The following EP400 variants were observed in gnomAD, a reference collection of about 807,000 sequenced individuals.
The protein encoded by EP400 is E1A-binding protein p400.
A neutral mutation model predicts 354.1 loss-of-function variants in EP400; 105 were observed. The ratio of observed to expected loss-of-function variants is 0.30; its 90% CI spans 0.25 to 0.35. The LOEUF (loss-of-function observed/expected upper bound fraction) is 0.35. Among genes scored for constraint, EP400 ranks in the 10% least tolerant of loss-of-function variants. The pLI, the probability that EP400 is intolerant of heterozygous loss-of-function variation, is 1.00. For missense variants in EP400, 3,280 were observed against 4,121.0 expected (o/e 0.80, Z 5.59); for synonymous variants, 1,646 against 1,716.9 (o/e 0.96, Z 1.02).
intron 35 of EP400, 126 bp downstream of exon 35, chr12:132,044,437 A>C: frequency 1.5e-6 from 2 of 1,353,808 alleles, no homozygotes; most frequent in East Asian, 5.0e-5. Context: ...TTTACTTCTC[A>C]TATCAACACA....
chr12:132,036,799 G>A (rs1488214890), intron 30 of EP400, among the ~76,000 whole-genome samples: 1 of 152,190 alleles, frequency 6.6e-6, no homozygotes, highest in African/African-American at 2.4e-5. Context: ...TAAAGGCCAG[G>A]AAAGTCTTCC....
chr12:131,989,421 C>T (rs904645657), intron 7 of EP400, among the ~76,000 whole-genome samples: 5 of 152,178 alleles, frequency 3.3e-5, no homozygotes, highest in Admixed American at 6.5e-5. Context: ...ATCCCTAGAA[C>T]GGGCGTGGGG....
rs771311944 is a variant in EP400, at chr12:132,032,023, C to T, written c.5825C>T (p.Thr1942Ile). 2 of 1,614,188 alleles carry T rather than the reference C, an allele frequency of 1.2e-6. No homozygotes were observed. Among genetic ancestry groups the T allele is most frequent in the Non-Finnish European group, 1.7e-6 (2 of 1,180,016 alleles). Reference sequence around the variant, plus strand: ...ATTCTCTCCACTCACAGCCGTACCACAGGTATAAACCTTGTAGAGGCGGAC... The same window carrying T: ...ATTCTCTCCACTCACAGCCGTACCATAGGTATAAACCTTGTAGAGGCGGAC... The part of the protein sequence containing the change: ...CAILSTHSRT[T>I]GINLVEADTV... The change falls in exon 30 of 53, where the codon ACA becomes ATA. Residue 1942 changes from threonine (T) to isoleucine (I), a missense_variant. By Grantham distance (89) the Thr-to-Ile change is moderately conservative. Transcript: ENST00000389561.
chr12:131,950,580 A>C (rs888452028), intron 1 of EP400, among the ~76,000 whole-genome samples: 4 of 152,054 alleles, frequency 2.6e-5, no homozygotes, highest in Non-Finnish European at 5.9e-5. Flanking sequence ...CAGGGGTTAC[A>C]GTGAGGTCCG....
intron 48 of EP400, 195 bp downstream of exon 48, chr12:132,065,081 C>G (rs776048658): frequency 9.7e-7 from 1 of 1,028,756 alleles, no homozygotes; most frequent in South Asian, 1.7e-5. Flanking sequence ...CAGCAGCTCC[C>G]AGAGCCCATC....
intron 14 of EP400, 104 bp from the exon 15 acceptor site, chr12:132,006,596 G>T: frequency 8.4e-7 from 1 of 1,184,194 alleles, no homozygotes; most frequent in African/African-American, 1.5e-5. Context: ...CATTTTTGTG[G>T]CTTTCTAATT....
At position 131,961,619 on chromosome 12, in the gene EP400, C is replaced by G; in HGVS notation, c.1000C>G (p.Leu334Val). 1 of 1,584,396 alleles carries G rather than the reference C, an allele frequency of 6.3e-7. No homozygotes were observed. The highest frequency in any genetic ancestry group is 8.6e-7 in the Non-Finnish European group (1 of 1,163,248). The change falls in exon 2 of 53, where the codon CTC becomes GTC. Residue 334 changes from leucine to valine, a missense_variant. Around this residue, in one of 20 missense-constraint regions of EP400, gnomAD observed 85 missense variants for 180.3 expected, o/e 0.47. Coordinates refer to ENST00000389561, the MANE Select transcript of EP400 (RefSeq NM_015409.5). ...RTAVPPGLSS[L>V]PLTSVGNTGM... ...TGCCGTGCCCCCAGGCCTTTCCAGC[C>G]TCCCACTCACGTCTGTGGGGAACAC...
intron 1 of EP400, among the ~76,000 whole-genome samples, chr12:131,957,599 A>G (rs1013535018): frequency 3.6e-5 from 5 of 139,048 alleles, no homozygotes; most frequent in East Asian, 2.1e-4. Context: ...TTATTTATTT[A>G]TTTATTTGCT....
Position 132,025,932 on chromosome 12 carries a change from T to TATAGAAATCAGAGATGG in EP400, c.5014+128_5014+129insATAGAAATCAGAGATGG. On this transcript the variant is annotated intron_variant, in intron 25 of 52. Coordinates refer to ENST00000389561, the MANE Select transcript of EP400 (RefSeq NM_015409.5). This position sits in a 1 kb window ranked among gnomAD's most constrained non-coding sequence, Gnocchi z 4.1. ...CAGCACAGTCTAGTGTGTGGCCATC[T>TATAGAAATCAGAGATGG]CTGATTTCTATAGATGTGTCCTAGT... 1.7e-6 allele frequency: 2 copies of TATAGAAATCAGAGATGG among 1,155,412 alleles called. No individual in the cohort carries two copies. The highest frequency in any genetic ancestry group is 2.3e-6 in the Non-Finnish European group (2 of 869,222). 71.6% of individuals were successfully genotyped at this position (1,155,412 alleles called of 1,614,324 possible).
intron 51 of EP400, chr12:132,076,274 A>T: frequency 1.9e-5 from 11 of 572,696 alleles, no homozygotes; most frequent in Non-Finnish European, 2.9e-5. Context: ...CTGAAATATG[A>T]GACCAAAAAT....
intron 7 of EP400, among the ~76,000 whole-genome samples, chr12:131,988,932 G>A (rs1048742047): frequency 6.6e-6 from 1 of 152,230 alleles, no homozygotes; most frequent in Non-Finnish European, 1.5e-5. Context: ...AGACCACAGG[G>A]TGAGAACCGT....
chr12:132,009,533 G>A (rs965874285), intron 15 of EP400, among the ~76,000 whole-genome samples: 6 of 152,170 alleles, frequency 3.9e-5, no homozygotes, highest in Admixed American at 2.6e-4. Context: ...GAACAGCACC[G>A]AGGCCAGTGT....
chr12:132,064,008 G>A (rs1291695744), intron 47 of EP400, among the ~76,000 whole-genome samples: 1 of 144,548 alleles, frequency 6.9e-6, no homozygotes. Flanking sequence ...CACCTGCCCC[G>A]GTTCAACCAC....
At chr12:132,057,077 T>C (rs1224126170) in intron 45 of EP400, among the ~76,000 whole-genome samples, 2 of 152,200 alleles carry the variant, frequency 1.3e-5, no homozygotes, top group Non-Finnish European at 2.9e-5. Flanking sequence ...GTTGTGGGAA[T>C]GCAGAGTCCA....
At position 131,961,169 on chromosome 12, in the gene EP400, C is replaced by T; in HGVS notation, c.550C>T (p.Pro184Ser). The part of the protein sequence containing the change: ...SVLVRQISLS[P>S]SSGGHFVFQD... Reference sequence around the variant, plus strand: ...GCTGGTGAGGCAGATCAGCTTGAGCCCCTCCAGTGGTGGACACTTTGTGTT... The same window carrying T: ...GCTGGTGAGGCAGATCAGCTTGAGCTCCTCCAGTGGTGGACACTTTGTGTT... Residue 184 changes from proline to serine, a missense_variant, in exon 2 of 53, where the codon CCC becomes TCC. Pro to Ser is a moderately conservative substitution (Grantham distance 74). Around this residue, in one of 20 missense-constraint regions of EP400, gnomAD observed 172 missense variants for 242.9 expected, o/e 0.71. Transcript: ENST00000389561. 8 of 1,599,410 alleles carry T rather than the reference C, an allele frequency of 5.0e-6. No individual in the cohort carries two copies. The highest frequency in any genetic ancestry group is 6.8e-6 in the Non-Finnish European group (8 of 1,172,912).
chr12:132,033,956 C>T (rs1279622778), intron 30 of EP400, among the ~76,000 whole-genome samples: 1 of 152,176 alleles, frequency 6.6e-6, no homozygotes. Flanking sequence ...AAAGGAGAGC[C>T]TGTAAAGAAA....
intron 24 of EP400, among the ~76,000 whole-genome samples, chr12:132,024,328 G>A (rs1322848048): frequency 3.3e-5 from 5 of 152,164 alleles, no homozygotes; most frequent in South Asian, 2.1e-4. Flanking sequence ...AGCCGAGATC[G>A]TGTCACTGCA....
In EP400 at chr12:132,044,945, A is replaced by T; in HGVS notation, c.6776A>T (p.Asp2259Val). ...VRKERKRHKT[D>V]PSAAGRKKKQ... is the part of the protein sequence containing the mutation. ...AAGGAGCGGAAGCGACACAAAACAG[A>T]CCCCTCAGGTGCGCATCCCGAGGGC... is the stretch of plus-strand genomic sequence containing the variant. Residue 2259 changes from aspartate to valine, a missense_variant, in exon 37 of 53, where the codon GAC becomes GTC. By Grantham distance (152) the Asp-to-Val change is radical. This residue lies in a region of EP400 where 231 missense variants were observed against 257.9 expected (regional missense o/e 0.90). Transcript: ENST00000389561. 1 of 1,613,674 alleles carries T rather than the reference A, an allele frequency of 6.2e-7. No individual in the cohort carries two copies. The highest frequency in any genetic ancestry group is 2.2e-5 in the East Asian group (1 of 44,878).
At chr12:132,000,723 C>G (rs11246892) in intron 12 of EP400, among the ~76,000 whole-genome samples, 18,298 of 152,188 alleles carry the variant, frequency 0.12, 1,466 homozygotes, top group African/African-American at 0.23. Flanking sequence ...CATCTGTGTT[C>G]TATTTTATGA....
Sources: gnomAD v4.1 joint callset for allele counts (sites outside exome capture counted in the v4.1 genomes callset) on GRCh38, gnomAD v4.1.1 for gene constraint, gnomAD v4.1.1 regional missense constraint, Gnocchi (gnomAD v3.1) non-coding constraint, MANE v1.5 for transcripts, NCBI Gene and HGNC (gene_info 2026-07-23, HGNC 2026-07-21) for gene names.